Variants in CENPP observed in about 807,000 individuals in gnomAD.
CENPP encodes centromere protein P.
A neutral mutation model predicts 35.6 loss-of-function variants in CENPP; 24 were observed. The ratio of observed to expected loss-of-function variants is 0.67; its 90% CI spans 0.49 to 0.95. The LOEUF (loss-of-function observed/expected upper bound fraction) is 0.95, where lower values mean the gene tolerates loss of function less well. Ranked by LOEUF, CENPP falls within the 40% of genes least tolerant of loss-of-function variation. CENPP has a pLI of 0.00. For synonymous variants in CENPP, 120 were observed against 125.5 expected (o/e 0.96, Z 0.29); for missense variants, 332 against 345.3 (o/e 0.96, Z 0.31).
intron 5 of CENPP, chr9:92,424,083 A>C (rs1005641115): frequency 1.4e-4 from 21 of 152,220 alleles, no homozygotes; most frequent in African/African-American, 4.8e-4. Flanking sequence ...TTTTGCTTCC[A>C]AAAATTGTGC....
In CENPP at chr9:92,609,803, C is replaced by T. The variant is rs1403497508; in HGVS notation, c.565-1511C>T. The stretch of plus-strand genomic sequence containing the variant: ...CCAGGCTGGATGGAGTGCAGTGGCA[C>T]GATCTCGGCTCACTGCAGCCTCCGC... On this transcript the variant is annotated intron_variant, in intron 5 of 7. Coordinates refer to ENST00000375587, the MANE Select transcript of CENPP (RefSeq NM_001012267.3). Among the ~76,000 whole-genome samples, 4 of 152,184 alleles carry T rather than the reference C, an allele frequency of 2.6e-5. No homozygotes were observed. The East Asian group carries it at 7.7e-4, about 29-fold the overall frequency.
intron 5 of CENPP, among the ~76,000 whole-genome samples, chr9:92,448,223 T>C (rs1844601936): frequency 6.6e-6 from 1 of 151,998 alleles, no homozygotes; most frequent in South Asian, 2.1e-4. Flanking sequence ...ACGTGGGAGA[T>C]GGAGTTAGTA....
rs140650618 is a variant in CENPP at position 92,390,532 on chromosome 9, G to T, written c.564+10673G>T. 1.4e-3 allele frequency among the ~76,000 whole-genome samples: 213 copies of T among 151,892 alleles called. 1 individual carries two copies. Among genetic ancestry groups the T allele is most frequent in the African/African-American group, 5.0e-3 (209 of 41,422 alleles). ...CAAAGACAAAGATGTTCCCTGATTTGTTAAAGTGACACAGATTGAGAGAGA... is the reference window on the plus strand; with the variant it reads ...CAAAGACAAAGATGTTCCCTGATTTTTTAAAGTGACACAGATTGAGAGAGA... On this transcript the variant is annotated intron_variant, in intron 5 of 7. Transcript: ENST00000375587.
At chr9:92,396,820 C>T (rs1006479296) in intron 5 of CENPP, among the ~76,000 whole-genome samples, 50 of 152,178 alleles carry the variant, frequency 3.3e-4, no homozygotes, top group South Asian at 2.1e-4. Flanking sequence ...CCTCTTGCCT[C>T]GGCCTTCCCA....
chr9:92,373,815 A>C (rs1842063609), intron 4 of CENPP, among the ~76,000 whole-genome samples: 1 of 152,064 alleles, frequency 6.6e-6, no homozygotes, highest in African/African-American at 2.4e-5. Flanking sequence ...ACAGAGTAAG[A>C]CTCCATCTCA....
chr9:92,614,980 C>G lies in CENPP; in HGVS notation c.*1831C>G, dbSNP rs1441190354. On this transcript the variant is annotated 3_prime_UTR_variant, in exon 8 of 8. Coordinates refer to ENST00000375587, the MANE Select transcript of CENPP (RefSeq NM_001012267.3). ...TGGGAGGAAGAGAGAACTCGCTCCT[C>G]AACCACCCCAGACACTGGAGTGTCA... The G allele has an allele frequency of 6.6e-6, 1 of 152,232 alleles. No homozygotes were observed. The highest frequency in any genetic ancestry group is 1.5e-5 in the Non-Finnish European group (1 of 68,052). 9.4% of individuals were successfully genotyped at this position (152,232 alleles called of 1,614,324 possible).
At chr9:92,570,822 C>G (rs1018890049) in intron 5 of CENPP, among the ~76,000 whole-genome samples, 72 of 151,424 alleles carry the variant, frequency 4.8e-4, no homozygotes, top group Middle Eastern at 6.8e-3. Context: ...TGTATGTGTC[C>G]AGGAATTTAT....
At chr9:92,366,134 G>A (rs933468135) in intron 4 of CENPP, among the ~76,000 whole-genome samples, 2 of 148,324 alleles carry the variant, frequency 1.3e-5, no homozygotes, top group African/African-American at 2.5e-5. Context: ...GAGCCAAGAC[G>A]GCGCCACTGC....
At chr9:92,466,557 G>C in intron 5 of CENPP, 2 of 1,613,836 alleles carry the variant, frequency 1.2e-6, no homozygotes, top group African/African-American at 1.3e-5. Flanking sequence ...GCTTGTTGTT[G>C]TTCAGGATCA....
intron 5 of CENPP, among the ~76,000 whole-genome samples, chr9:92,535,589 A>C (rs12335553): frequency 0.46 from 70,415 of 151,920 alleles, 18,727 homozygotes; most frequent in African/African-American, 0.72. Flanking sequence ...TCTATTATCT[A>C]TTTTCACTTC....
At chr9:92,442,061 A>G (rs1311928222) in intron 5 of CENPP, among the ~76,000 whole-genome samples, 2 of 152,182 alleles carry the variant, frequency 1.3e-5, no homozygotes, top group Non-Finnish European at 2.9e-5. Context: ...TCCAGTAAAC[A>G]CACAAATAGT....
intron 5 of CENPP, among the ~76,000 whole-genome samples, chr9:92,546,984 G>A (rs918445523): frequency 2.6e-5 from 4 of 152,072 alleles, no homozygotes; most frequent in Non-Finnish European, 5.9e-5. Flanking sequence ...ACGTCAGAAG[G>A]AAAATTTTGC....
chr9:92,538,963 T>G (rs1336628238), intron 5 of CENPP: 3 of 152,180 alleles, frequency 2.0e-5, no homozygotes, highest in African/African-American at 4.8e-5. Context: ...AAGGATGCAA[T>G]TGTCTACCAT....
rs149465891 is a variant in CENPP at position 92,615,878 on chromosome 9, C to G, written c.*2729C>G. ...TGTGCAATCTTCGCTTTCCTTGAACCGAGTCGACATCACGGCGTTGTCTTT... is the reference window on the plus strand; with the variant it reads ...TGTGCAATCTTCGCTTTCCTTGAACGGAGTCGACATCACGGCGTTGTCTTT... On this transcript the variant is annotated 3_prime_UTR_variant, in exon 8 of 8. Transcript: ENST00000375587. The G allele has an allele frequency of 6.2e-7, 1 of 1,614,120 alleles. No homozygotes were observed. Among genetic ancestry groups the G allele is most frequent in the South Asian group, 1.1e-5 (1 of 91,070 alleles).
chr9:92,551,941 A>T (rs557791293), intron 5 of CENPP, among the ~76,000 whole-genome samples: 1,492 of 64,690 alleles, frequency 0.023, 135 homozygotes, highest in African/African-American at 0.18. Flanking sequence ...ATATATATAT[A>T]TATATATATA....
chr9:92,341,004 AG>A (rs2130794965), intron 3 of CENPP, among the ~76,000 whole-genome samples: 1 of 152,272 alleles, frequency 6.6e-6, no homozygotes, highest in Non-Finnish European at 1.5e-5. Flanking sequence ...TCTTTTTCTC[AG>A]CATGGGACAT....
chr9:92,494,282 T>C (rs1846254941), intron 5 of CENPP: 2 of 722,876 alleles, frequency 2.8e-6, no homozygotes, highest in Non-Finnish European at 4.3e-6. Flanking sequence ...TGTTTACAGC[T>C]TAGATTGCCT....
At chr9:92,536,034 A>G (rs754916241) in intron 5 of CENPP, 1 of 505,972 alleles carries the variant, frequency 2.0e-6, no homozygotes, top group South Asian at 1.5e-5. Flanking sequence ...AAAGGACAGA[A>G]GGGAATGTTG....
intron 5 of CENPP, among the ~76,000 whole-genome samples, chr9:92,477,727 C>T (rs772673853): frequency 1.2e-4 from 19 of 152,164 alleles, no homozygotes; most frequent in Non-Finnish European, 2.2e-4. Context: ...CCACACTTCC[C>T]TACTCAAAAA....
Sources: gnomAD v4.1 joint callset for allele counts (sites outside exome capture counted in the v4.1 genomes callset) on GRCh38, gnomAD v4.1.1 for gene constraint, MANE v1.5 for transcripts, NCBI Gene and HGNC (gene_info 2026-07-23, HGNC 2026-07-21) for gene names.